Variants in PARVB observed in about 807,000 individuals in gnomAD.
The protein encoded by PARVB is parvin beta, also known as beta-parvin.
In PARVB, 46 loss-of-function variants were observed where a neutral mutation model predicts 47.0. That is an observed-to-expected ratio of 0.98 (90% CI 0.77 to 1.25). The LOEUF is 1.25. PARVB is among the 50% of genes most tolerant of loss of function. The probability of loss-of-function intolerance (pLI) is 0.00; values close to 1 mark genes in which losing one functional copy is unlikely to be tolerated. For synonymous variants in PARVB, 196 were observed against 196.3 expected, an observed-to-expected ratio of 1.00 and a Z score of 0.01; for missense variants, 473 against 471.6, an observed-to-expected ratio of 1.00 and a Z score of -0.03.
chr22:44,157,645 G>A (rs973004485), intron 10 of PARVB, among the ~76,000 whole-genome samples: 1 of 152,166 alleles, frequency 6.6e-6, no homozygotes, highest in African/African-American at 2.4e-5. Context: ...TTGGGAGGCT[G>A]AGGCAAGTAG....
At chr22:44,078,797 T>C (rs1049914368) in intron 1 of PARVB, among the ~76,000 whole-genome samples, 1 of 152,178 alleles carries the variant, frequency 6.6e-6, no homozygotes, top group Admixed American at 6.5e-5. Context: ...AGATCTCAGC[T>C]CACTGCAGCC....
intron 1 of PARVB, among the ~76,000 whole-genome samples, chr22:44,059,784 C>T (rs2051385568): frequency 6.6e-6 from 1 of 152,126 alleles, no homozygotes; most frequent in Non-Finnish European, 1.5e-5. Context: ...TTGACAGGCA[C>T]AGAAGATGTG....
At chr22:44,094,102 C>G in intron 2 of PARVB, 85 bp downstream of exon 2, 1 of 719,292 alleles carries the variant, frequency 1.4e-6, no homozygotes, top group Non-Finnish European at 2.4e-6. Context: ...ATGAGGAGCC[C>G]GATAGATCTG....
intron 4 of PARVB, among the ~76,000 whole-genome samples, chr22:44,120,471 G>A (rs956416518): frequency 6.6e-6 from 1 of 152,018 alleles, no homozygotes; most frequent in Non-Finnish European, 1.5e-5. Context: ...GTCTCCTCAC[G>A]ATGAGATCTG....
intron 1 of PARVB, among the ~76,000 whole-genome samples, chr22:44,082,721 T>C (rs2051934581): frequency 6.6e-6 from 1 of 152,188 alleles, no homozygotes; most frequent in African/African-American, 2.4e-5. Context: ...CCTGGAAGTC[T>C]TTCTTCCTGT....
At chr22:44,058,878 C>T (rs568138194) in intron 1 of PARVB, among the ~76,000 whole-genome samples, 3 of 151,852 alleles carry the variant, frequency 2.0e-5, no homozygotes, top group Admixed American at 2.0e-4. Context: ...GATGAGACAC[C>T]ATTCAACCCA....
At chr22:44,016,824 C>G (rs564840143) in intron 2 of PARVB, among the ~76,000 whole-genome samples, 1 of 152,080 alleles carries the variant, frequency 6.6e-6, no homozygotes, top group Non-Finnish European at 1.5e-5. Flanking sequence ...AGATTTTGAA[C>G]CATTTCATTA....
At chr22:44,091,270 C>T (rs531086329) in intron 1 of PARVB, among the ~76,000 whole-genome samples, 18 of 139,314 alleles carry the variant, frequency 1.3e-4, no homozygotes, top group African/African-American at 4.8e-4. Context: ...CTGGAGAGGG[C>T]CTGCTTTTTT....
chr22:44,070,818 C>T (rs942136290), intron 1 of PARVB, among the ~76,000 whole-genome samples: 1 of 152,036 alleles, frequency 6.6e-6, no homozygotes, highest in Non-Finnish European at 1.5e-5. Flanking sequence ...CCTCCTGGGA[C>T]CTGTGCGGGA....
At chr22:44,035,107 G>A (rs1229642652) in intron 1 of PARVB, among the ~76,000 whole-genome samples, 2 of 152,096 alleles carry the variant, frequency 1.3e-5, no homozygotes, top group African/African-American at 2.4e-5. Context: ...ACAATATTTT[G>A]TATGTTCTAT....
Position 44,024,465 on chromosome 22 carries a change from C to T in PARVB, c.112+14C>T, listed in dbSNP as rs2050694813. On this transcript the variant is annotated intron_variant, in intron 1 of 12. Coordinates refer to ENST00000338758, the MANE Select transcript of PARVB (RefSeq NM_013327.5). ...GGGCGCGCGAGGGTGAGTGCGCGCC[C>T]GCGCCCGCCGACCCCCGGGGACCTG... 1 of 1,143,516 alleles carries T rather than the reference C, an allele frequency of 8.7e-7. No individual in the cohort carries two copies. The highest frequency in any genetic ancestry group is 1.1e-6 in the Non-Finnish European group (1 of 930,016). 70.8% of individuals were successfully genotyped at this position (1,143,516 alleles called of 1,614,324 possible).
At chr22:44,012,220 C>T (rs6006476) in intron 2 of PARVB, among the ~76,000 whole-genome samples, 7,016 of 152,198 alleles carry the variant, frequency 0.046, 514 homozygotes, top group African/African-American at 0.16. Context: ...GGGAACAAAA[C>T]GCATATGTGG....
intron 1 of PARVB, among the ~76,000 whole-genome samples, chr22:44,066,813 CCTCCTCCTCTTCCTCCTCCAT>C (rs2051543259): frequency 7.2e-6 from 1 of 139,464 alleles, no homozygotes; most frequent in East Asian, 2.0e-4. Context: ...TCCTCCTCCT[CCTCCTCCTCTTCCTCCTCCAT>C]CTCCTCCTCT....
chr22:44,099,332 G>A (rs372698628), intron 2 of PARVB, among the ~76,000 whole-genome samples: 19 of 152,280 alleles, frequency 1.2e-4, no homozygotes, highest in East Asian at 5.8e-4. Flanking sequence ...TGTGGAGCAC[G>A]CCTAGCCTTG....
At chr22:44,119,890 A>C (rs768525485) in intron 4 of PARVB, 2 of 525,288 alleles carry the variant, frequency 3.8e-6, no homozygotes, top group South Asian at 2.8e-5. Context: ...TGCAGCTCAT[A>C]TGGAAGAACG....
Position 44,024,468 on chromosome 22 carries a change from G to A in PARVB, c.112+17G>A, listed in dbSNP as rs1291335760. 5.3e-6 allele frequency: 6 copies of A among 1,140,562 alleles called. No homozygotes were observed. Among genetic ancestry groups the A allele is most frequent in the Non-Finnish European group, 6.5e-6 (6 of 928,138 alleles). The allele number at this position is 1,140,562 out of a possible 1,614,324, so 70.7% of individuals were successfully genotyped here. ...CGCGCGAGGGTGAGTGCGCGCCCGC[G>A]CCCGCCGACCCCCGGGGACCTGCCC... On this transcript the variant is annotated intron_variant, in intron 1 of 12. Coordinates refer to ENST00000338758, the MANE Select transcript of PARVB (RefSeq NM_013327.5).
chr22:44,070,806 C>T (rs1266062381), intron 1 of PARVB, among the ~76,000 whole-genome samples: 3 of 152,182 alleles, frequency 2.0e-5, no homozygotes, highest in Non-Finnish European at 2.9e-5. Flanking sequence ...ACCCTGCCCG[C>T]ACCTCCTGGG....
rs893483769 is a variant in PARVB, at chr22:44,168,837, C to G, written c.*159C>G. The G allele has an allele frequency of 3.4e-6, 2 of 594,786 alleles. No homozygotes were observed. Among genetic ancestry groups the G allele is most frequent in the Non-Finnish European group, 6.0e-6 (2 of 330,940 alleles). The allele number at this position is 594,786 out of a possible 1,614,324, so 36.8% of individuals were successfully genotyped here. The stretch of plus-strand genomic sequence containing the variant: ...CCCTACCTCACGCCTGCCCCACCCC[C>G]TGCCTCTTTTGGTTGTTGTTCTTAA... On this transcript the variant is annotated 3_prime_UTR_variant, in exon 13 of 13. Transcript: ENST00000338758.
intron 8 of PARVB, chr22:44,142,592 G>A (rs2053577621): frequency 6.6e-6 from 1 of 152,152 alleles, no homozygotes; most frequent in South Asian, 2.1e-4. Context: ...GGGCCCAGAA[G>A]CCTGGCCCCG....
Sources: allele counts gnomAD v4.1 joint callset (sites outside exome capture counted in the v4.1 genomes callset), GRCh38; gene constraint gnomAD v4.1.1; transcripts MANE v1.5; gene names NCBI Gene and HGNC (gene_info 2026-07-23, HGNC 2026-07-21).